Variants in MMD observed in about 807,000 individuals in gnomAD.
MMD encodes the protein monocyte to macrophage differentiation factor.
In MMD, 22 loss-of-function variants were observed where a neutral mutation model predicts 33.6. That is an observed-to-expected ratio of 0.66 (90% CI 0.47 to 0.94). The LOEUF (loss-of-function observed/expected upper bound fraction) is 0.94. Ranked by LOEUF, MMD falls within the 40% of genes least tolerant of loss-of-function variation. The pLI, the probability that MMD is intolerant of heterozygous loss-of-function variation, is 0.00. For synonymous variants in MMD, 97 were observed against 103.2 expected (o/e 0.94, Z 0.36); for missense variants, 242 against 309.8 (o/e 0.78, Z 1.64).
At chr17:55,416,479 G>A (rs1437278708) in intron 1 of MMD, among the ~76,000 whole-genome samples, 2 of 152,150 alleles carry the variant, frequency 1.3e-5, no homozygotes, top group East Asian at 3.9e-4. Flanking sequence ...ACGGGCAATA[G>A]GGAAAGATAA....
rs2143111089 is a variant in MMD at position 55,394,423 on chromosome 17, G to A, written c.628C>T (p.Leu210=). 6.6e-7 allele frequency: 1 copy of A among 1,515,438 alleles called. No individual in the cohort carries two copies. Among genetic ancestry groups the A allele is most frequent in the Non-Finnish European group, 8.8e-7 (1 of 1,137,198 alleles). The allele number at this position is 1,515,438 out of a possible 1,614,324, so 93.9% of individuals were successfully genotyped here. The change falls in exon 7 of 7, where the codon CTG becomes TTG. Residue 210 remains leucine (L), a synonymous_variant. Coordinates refer to ENST00000262065, the MANE Select transcript of MMD (RefSeq NM_012329.3). ...ACTGCAGCTGCCGTGGCCACAAACAGGTGCCAGATGGCGTGGGCAAATGGA... is the reference window on the plus strand; with the variant it reads ...ACTGCAGCTGCCGTGGCCACAAACAAGTGCCAGATGGCGTGGGCAAATGGA... ...IIPFAHAIWH[L]FVATAAAVHY... is the part of the protein sequence containing the mutation.
chr17:55,401,874 C>G (rs1907343184), intron 5 of MMD, among the ~76,000 whole-genome samples: 1 of 151,942 alleles, frequency 6.6e-6, no homozygotes, highest in Non-Finnish European at 1.5e-5. Flanking sequence ...GAGATCGAGA[C>G]CATCCTGATT....
chr17:55,401,516 A>G lies in MMD; in HGVS notation c.469T>C (p.Phe157Leu). ...GGAGAGAATCCCATTGTGAGATAGA[A>G]AAAGAGTTCAACCACCTTATATCTG... ...HEKYKVVELF[F>L]YLTMGFSPAL... The change falls in exon 6 of 7, where the codon TTC becomes CTC. Residue 157 changes from phenylalanine to leucine, a missense_variant. Coordinates refer to ENST00000262065, the MANE Select transcript of MMD (RefSeq NM_012329.3). 1 of 1,612,398 alleles carries G rather than the reference A, an allele frequency of 6.2e-7. No individual in the cohort carries two copies.
intron 3 of MMD, 53 bp from the exon 4 acceptor site, chr17:55,407,873 T>C: frequency 1.5e-6 from 2 of 1,320,144 alleles, no homozygotes; most frequent in Non-Finnish European, 2.1e-6. Flanking sequence ...AGATGGGAAG[T>C]ACGGGTTATC....
rs750018838 is a variant in MMD, at chr17:55,414,184, G to A, written c.75C>T (p.Cys25=). 1.4e-5 allele frequency: 23 copies of A among 1,613,926 alleles called. No homozygotes were observed. The Admixed American group carries it at 2.2e-4, about 15-fold the overall frequency. Residue 25 remains cysteine (C), a synonymous_variant, in exon 2 of 7, where the codon TGC becomes TGT. Transcript: ENST00000262065. ...TGTAACAGTTAGCAGCATGTTCATA[G>A]CAAGTTGGCTTGTAGCGGCCATTGG... ...APANGRYKPT[C]YEHAANCYTH... is the part of the protein sequence containing the mutation.
Position 55,421,802 on chromosome 17 carries a change from C to G in MMD, c.-107G>C, listed in dbSNP as rs1387018022. On this transcript the variant is annotated 5_prime_UTR_variant, in exon 1 of 7. Transcript: ENST00000262065. ...GCTGCTCCGGAGGCCGCCTGCGTGT[C>G]CAGCGGAACCCTTCGGCCGGGTAGG... 34 of 1,301,624 alleles carry G rather than the reference C, an allele frequency of 2.6e-5. No homozygotes were observed. Among genetic ancestry groups the G allele is most frequent in the Non-Finnish European group, 3.5e-5 (34 of 970,808 alleles). 80.6% of individuals were successfully genotyped at this position (1,301,624 alleles called of 1,614,324 possible). A position where few individuals can be genotyped will look rare whatever the true frequency, so the allele number is the denominator to read the frequency against.
At chr17:55,421,644 C>T in intron 1 of MMD, 26 bp downstream of exon 1, 1 of 1,598,390 alleles carries the variant, frequency 6.3e-7, no homozygotes, top group Admixed American at 1.7e-5. Context: ...ACACGGGCAG[C>T]GGGACCGGGA....
In MMD at chr17:55,392,905, A is replaced by C. The variant is rs1247660830; in HGVS notation, c.*1429T>G. ...AATTCATCAAAATCAGAGAGTTCTA[A>C]ACATATACAAAATAAACCTCTTTTA... On this transcript the variant is annotated 3_prime_UTR_variant, in exon 7 of 7. Transcript: ENST00000262065. 2.0e-5 allele frequency: 3 copies of C among 152,156 alleles called. No homozygotes were observed. The highest frequency in any genetic ancestry group is 7.2e-5 in the African/African-American group (3 of 41,432). The allele number at this position is 152,156 out of a possible 1,614,324, so 9.4% of individuals were successfully genotyped here.
At position 55,403,056 on chromosome 17, in the gene MMD, A is replaced by T. The variant is rs62078254; in HGVS notation, c.446+711T>A. Reference sequence around the variant, plus strand: ...TTCTCAAATTCAAACATACAGGGTAATAAAAAGAGCAATGGAATCAGAACT... The same window carrying T: ...TTCTCAAATTCAAACATACAGGGTATTAAAAAGAGCAATGGAATCAGAACT... On this transcript the variant is annotated intron_variant, in intron 5 of 6. Coordinates refer to ENST00000262065, the MANE Select transcript of MMD (RefSeq NM_012329.3). 4.8e-3 allele frequency among the ~76,000 whole-genome samples: 725 copies of T among 152,366 alleles called. 2 individuals are homozygous for T. The highest frequency in any genetic ancestry group is 0.017 in the Middle Eastern group (5 of 294).
chr17:55,421,181 C>T (rs1908171635), intron 1 of MMD, among the ~76,000 whole-genome samples: 1 of 152,244 alleles, frequency 6.6e-6, no homozygotes, highest in South Asian at 2.1e-4. Flanking sequence ...ATGCCTAGCA[C>T]CCCGCTTTAC....
At chr17:55,407,678 G>T in intron 4 of MMD, 68 bp downstream of exon 4, 1 of 1,426,688 alleles carries the variant, frequency 7.0e-7, no homozygotes, top group Non-Finnish European at 9.7e-7. Context: ...GAGGGAGAAA[G>T]GAAAGGAGGA....
At chr17:55,419,326 T>C (rs117196686) in intron 1 of MMD, among the ~76,000 whole-genome samples, 1 of 152,254 alleles carries the variant, frequency 6.6e-6, no homozygotes, top group African/African-American at 2.4e-5. Flanking sequence ...TGTGTGTAGG[T>C]ATCTTGGGGA....
chr17:55,414,381 G>A, intron 1 of MMD, 149 bp from the exon 2 acceptor site: 1 of 703,924 alleles, frequency 1.4e-6, no homozygotes, highest in South Asian at 1.6e-5. Flanking sequence ...AGCCACTAAA[G>A]AGGAGTAAAC....
Position 55,418,086 on chromosome 17 carries a change from C to T in MMD, c.26+3584G>A, listed in dbSNP as rs544265439. ...GTTTACTTCTGTCTAGGATATTCTC[C>T]AGAATGCTCAGCTCTCTTCTCATCC... On this transcript the variant is annotated intron_variant, in intron 1 of 6. Coordinates refer to ENST00000262065, the MANE Select transcript of MMD (RefSeq NM_012329.3). Among the ~76,000 whole-genome samples the T allele has an allele frequency of 1.3e-3, 205 of 152,334 alleles. 1 individual carries two copies. The highest frequency in any genetic ancestry group is 3.5e-3 in the Admixed American group (53 of 15,302).
chr17:55,403,341 T>C (rs568208891), intron 5 of MMD, among the ~76,000 whole-genome samples: 1 of 152,340 alleles, frequency 6.6e-6, no homozygotes, highest in East Asian at 1.9e-4. Context: ...TTTCTCAAGA[T>C]ACCCTTTTTG....
Position 55,417,706 on chromosome 17 carries a change from G to A in MMD, c.27-3474C>T, listed in dbSNP as rs147784399. Among the ~76,000 whole-genome samples, 1,291 of 152,262 alleles carry A rather than the reference G, an allele frequency of 8.5e-3. 7 individuals carry two copies. Among genetic ancestry groups the A allele is most frequent in the Non-Finnish European group, 0.015 (991 of 68,020 alleles). On this transcript the variant is annotated intron_variant, in intron 1 of 6. Transcript: ENST00000262065. Reference sequence around the variant, plus strand: ...CCAGCTACTTCTGACTGAGGTAGAAGGACTGCTTGAGCCTCGGAGGTCAAG... The same window carrying A: ...CCAGCTACTTCTGACTGAGGTAGAAAGACTGCTTGAGCCTCGGAGGTCAAG...
chr17:55,416,552 T>G (rs1408088215), intron 1 of MMD, among the ~76,000 whole-genome samples: 1 of 152,166 alleles, frequency 6.6e-6, no homozygotes, highest in Admixed American at 6.5e-5. Flanking sequence ...AGCATAATTG[T>G]TCTGCTGGGA....
Position 55,407,832 on chromosome 17 carries a change from G to GAA in MMD, c.270-14_270-13dup. The GAA allele has an allele frequency of 6.5e-7, 1 of 1,531,970 alleles. No homozygotes were observed. Among genetic ancestry groups the GAA allele is most frequent in the South Asian group, 1.3e-5 (1 of 79,438 alleles). 94.9% of individuals were successfully genotyped at this position (1,531,970 alleles called of 1,614,324 possible). A position where few individuals can be genotyped will look rare whatever the true frequency, so the allele number is the denominator to read the frequency against. ...AATGCTCCACTGTCCTAGCGAGGGG[G>GAA]AAAAAAAAGTAAATTTGTCAGAAAG... On this transcript the variant is annotated splice_polypyrimidine_tract_variant and intron_variant, in intron 3 of 6. Transcript: ENST00000262065.
rs1036774966 is a variant in MMD, at chr17:55,414,219, G to T, written c.40C>A (p.Arg14=). The change falls in exon 2 of 7, where the codon CGA becomes AGA. Residue 14 remains arginine (R), a synonymous_variant. Transcript: ENST00000262065. ...KNRFQRFMNH[R]APANGRYKPT... Reference sequence around the variant, plus strand: ...TTGTAGCGGCCATTGGCTGGAGCTCGATGGTTCATGAACCTGTAAAAACAA... The same window carrying T: ...TTGTAGCGGCCATTGGCTGGAGCTCTATGGTTCATGAACCTGTAAAAACAA... 9.9e-6 allele frequency: 16 copies of T among 1,613,632 alleles called. No individual in the cohort carries two copies. Among genetic ancestry groups the T allele is most frequent in the Non-Finnish European group, 1.4e-5 (16 of 1,179,764 alleles).
Sources: gnomAD v4.1 joint callset for allele counts (sites outside exome capture counted in the v4.1 genomes callset) on GRCh38, gnomAD v4.1.1 for gene constraint, MANE v1.5 for transcripts, NCBI Gene and HGNC (gene_info 2026-07-23, HGNC 2026-07-21) for gene names.